UBE2B: variants seen among roughly 807,000 people sequenced by gnomAD.
UBE2B encodes ubiquitin-conjugating enzyme E2 B.
A neutral mutation model predicts 24.6 loss-of-function variants in UBE2B; 11 were observed. That is an observed-to-expected ratio of 0.45 (90% CI 0.28 to 0.74). The LOEUF (loss-of-function observed/expected upper bound fraction) is 0.74. Among genes scored for constraint, UBE2B ranks in the 30% least tolerant of loss-of-function variants. UBE2B has a pLI of 0.13. For synonymous variants in UBE2B, 68 were observed against 62.4 expected (o/e 1.09, Z -0.42); for missense variants, 78 against 185.6 (o/e 0.42, Z 3.37).
In UBE2B at chr5:134,390,298, G is replaced by A. The variant is rs1758879781; in HGVS notation, c.404G>A (p.Arg135Gln). The A allele has an allele frequency of 6.2e-7, 1 of 1,613,930 alleles. No individual in the cohort carries two copies. Among genetic ancestry groups the A allele is most frequent in the South Asian group, 1.1e-5 (1 of 91,084 alleles). The change falls in exon 6 of 6, where the codon CGA (arginine) becomes CAA (glutamine). Residue 135 changes from arginine (R) to glutamine (Q), a missense_variant. Around this residue, in one of 2 missense-constraint regions of UBE2B, gnomAD observed 57 missense variants for 167.7 expected, o/e 0.34. Coordinates refer to ENST00000265339, the MANE Select transcript of UBE2B (RefSeq NM_003337.4). This position sits in a 1 kb window ranked among gnomAD's most constrained non-coding sequence, Gnocchi z 4.6. ...QAAQLYQENK[R>Q]EYEKRVSAIV... ...GCACAGCTTTATCAGGAAAACAAAC[G>A]AGAATATGAGAAAAGAGTTTCGGCC... is the stretch of plus-strand genomic sequence containing the variant.
intron 1 of UBE2B, 46 bp downstream of exon 1, chr5:134,371,685 G>GGGGCTGCA: frequency 1.2e-6 from 2 of 1,612,104 alleles, no homozygotes; most frequent in Non-Finnish European, 1.7e-6. Flanking sequence ...TCAAAGCTGC[G>GGGGCTGCA]GGGCTGCAGG....
intron 4 of UBE2B, chr5:134,388,013 G>A (rs552405288): frequency 4.0e-4 from 132 of 330,686 alleles, no homozygotes; most frequent in Non-Finnish European, 6.7e-4. Flanking sequence ...GTGTTGGCCC[G>A]ACTGGTCTCA....
intron 5 of UBE2B, chr5:134,388,888 A>G: frequency 3.0e-6 from 1 of 337,996 alleles, no homozygotes; most frequent in Non-Finnish European, 5.6e-6. Context: ...AGGAGCAGAA[A>G]TAATATGTTG....
chr5:134,386,820 G>T (rs997972522), intron 4 of UBE2B, among the ~76,000 whole-genome samples: 5 of 151,964 alleles, frequency 3.3e-5, no homozygotes, highest in Non-Finnish European at 7.4e-5. Context: ...TAAGGTAATA[G>T]TCTGTGGATG....
chr5:134,376,563 A>G (rs1758614441), intron 2 of UBE2B, 106 bp from the exon 3 acceptor site: 1 of 1,213,950 alleles, frequency 8.2e-7, no homozygotes, highest in African/African-American at 1.5e-5. Flanking sequence ...ACAAATCATC[A>G]GAATGAGTCC....
At chr5:134,381,227 A>G (rs1223751469) in intron 4 of UBE2B, among the ~76,000 whole-genome samples, 1 of 151,544 alleles carries the variant, frequency 6.6e-6, no homozygotes, top group Non-Finnish European at 1.5e-5. Flanking sequence ...TGGCCTCCCA[A>G]AGTGCTGGGT....
intron 5 of UBE2B, among the ~76,000 whole-genome samples, chr5:134,389,688 G>A (rs968515152): frequency 2.6e-5 from 4 of 151,736 alleles, no homozygotes; most frequent in South Asian, 2.1e-4. Flanking sequence ...AGCGGATTAC[G>A]GGCATGCGCC....
intron 4 of UBE2B, 182 bp from the exon 5 acceptor site, chr5:134,388,143 C>G (rs35408571): frequency 0.095 from 57,523 of 603,260 alleles, 3,303 homozygotes; most frequent in Admixed American, 0.18. Context: ...AGGGAACATT[C>G]AAACCATAGC....
At chr5:134,374,339 G>A in intron 1 of UBE2B, 44 bp from the exon 2 acceptor site, 1 of 1,541,056 alleles carries the variant, frequency 6.5e-7, no homozygotes, top group Non-Finnish European at 8.8e-7. Context: ...CCTCCTTAGT[G>A]GCCTTAATGT....
intron 4 of UBE2B, 90 bp downstream of exon 4, chr5:134,380,898 A>G (rs1052054075): frequency 2.5e-5 from 17 of 674,824 alleles, no homozygotes; most frequent in Admixed American, 1.2e-4. Flanking sequence ...TTTTACTGTT[A>G]GGGCTCACTT....
chr5:134,387,457 C>T (rs1198551014), intron 4 of UBE2B, among the ~76,000 whole-genome samples: 1 of 152,140 alleles, frequency 6.6e-6, no homozygotes, highest in Non-Finnish European at 1.5e-5. Flanking sequence ...AACTCAAAGC[C>T]TCCTGATCAT....
In UBE2B at chr5:134,390,420, A is replaced by G; in HGVS notation, c.*67A>G. On this transcript the variant is annotated 3_prime_UTR_variant, in exon 6 of 6. Coordinates refer to ENST00000265339, the MANE Select transcript of UBE2B (RefSeq NM_003337.4). This position sits in a 1 kb window ranked among gnomAD's most constrained non-coding sequence, Gnocchi z 4.6. ...TAATTTACCTCTCATTAGAAAGGCT[A>G]ACAAATTTTAAGTGCCACAGGTTTT... 2 of 1,600,366 alleles carry G rather than the reference A, an allele frequency of 1.2e-6. No homozygotes were observed. The highest frequency in any genetic ancestry group is 4.5e-5 in the East Asian group (2 of 44,676).
chr5:134,381,753 G>A (rs997205067), intron 4 of UBE2B, among the ~76,000 whole-genome samples: 5 of 152,168 alleles, frequency 3.3e-5, no homozygotes, highest in Admixed American at 1.3e-4. Context: ...AGACCAGCCC[G>A]GCCAACATGG....
At chr5:134,377,477 T>G (rs1206705973) in intron 3 of UBE2B, among the ~76,000 whole-genome samples, 2 of 152,232 alleles carry the variant, frequency 1.3e-5, no homozygotes, top group Non-Finnish European at 2.9e-5. Context: ...TAAGGTAGAT[T>G]TGGACATACT....
chr5:134,371,776 C>T (rs939700687), intron 1 of UBE2B, 137 bp downstream of exon 1: 3 of 1,337,802 alleles, frequency 2.2e-6, no homozygotes, highest in Non-Finnish European at 1.0e-6. Context: ...AAGCCGGGTC[C>T]TAGCCTCGGC....
Position 134,376,370 on chromosome 5 carries a change from T to C in UBE2B, c.126-299T>C, listed in dbSNP as rs377260967. Among the ~76,000 whole-genome samples, 260 of 96,300 alleles carry C rather than the reference T, an allele frequency of 2.7e-3. 5 individuals are homozygous for C. Among genetic ancestry groups the C allele is most frequent in the Non-Finnish European group, 3.4e-3 (166 of 48,704 alleles). 63.2% of individuals were successfully genotyped at this position (96,300 alleles called of 152,430 possible). Reference sequence around the variant, plus strand: ...AAAAATATATATATATATATACACATATGTACAAAATGACTGGTCAGTATT... The same window carrying C: ...AAAAATATATATATATATATACACACATGTACAAAATGACTGGTCAGTATT... On this transcript the variant is annotated intron_variant, in intron 2 of 5. Transcript: ENST00000265339.
rs1454592509 is a variant in UBE2B, at chr5:134,390,843, T to G, written c.*490T>G. 1.3e-5 allele frequency: 2 copies of G among 154,578 alleles called. No individual in the cohort carries two copies. Among genetic ancestry groups the G allele is most frequent in the African/African-American group, 2.4e-5 (1 of 41,476 alleles). The allele number at this position is 154,578 out of a possible 1,614,324, so 9.6% of individuals were successfully genotyped here. On this transcript the variant is annotated 3_prime_UTR_variant, in exon 6 of 6. Transcript: ENST00000265339. The surrounding 1 kb of genome is among the most constrained non-coding windows in gnomAD (Gnocchi z 4.6). The stretch of plus-strand genomic sequence containing the variant: ...GTTAATAAGTCTCTAGCTCTCCATC[T>G]ATTGATAGTTTCATTTACAATTTCA...
At chr5:134,388,527 C>T in intron 5 of UBE2B, 114 bp downstream of exon 5, 1 of 942,166 alleles carries the variant, frequency 1.1e-6, no homozygotes, top group Non-Finnish European at 1.7e-6. Flanking sequence ...TGCTTTTCAG[C>T]TAACTTTTCT....
At chr5:134,385,016 T>C (rs971840855) in intron 4 of UBE2B, among the ~76,000 whole-genome samples, 2 of 152,280 alleles carry the variant, frequency 1.3e-5, no homozygotes, top group Non-Finnish European at 2.9e-5. Context: ...TATGTTGTGA[T>C]ATAATAGTAT....
Sources: allele counts gnomAD v4.1 joint callset (sites outside exome capture counted in the v4.1 genomes callset), GRCh38; gene constraint gnomAD v4.1.1; regional missense constraint gnomAD v4.1.1; non-coding constraint Gnocchi (gnomAD v3.1); transcripts MANE v1.5; gene names NCBI Gene and HGNC (gene_info 2026-07-23, HGNC 2026-07-21).